Variants in BACE2 observed in about 807,000 individuals in gnomAD.
The protein encoded by BACE2 is beta-secretase 2, also known as 56 kDa aspartic-like protease.
A neutral mutation model predicts 46.2 loss-of-function variants in BACE2; 17 were observed. That is an observed-to-expected ratio of 0.37 (90% confidence interval 0.25 to 0.55). The LOEUF (loss-of-function observed/expected upper bound fraction) is 0.55, where lower values mean the gene tolerates loss of function less well. Among genes scored for constraint, BACE2 ranks in the 20% least tolerant of loss-of-function variants. The pLI, the probability that BACE2 is intolerant of heterozygous loss-of-function variation, is 0.82. For missense variants in BACE2, 595 were observed against 698.1 expected, an observed-to-expected ratio of 0.85 and a Z score of 1.66; for synonymous variants, 277 against 295.9, an observed-to-expected ratio of 0.94 and a Z score of 0.66.
intron 2 of BACE2, among the ~76,000 whole-genome samples, chr21:41,226,559 C>A (rs540823095): frequency 6.6e-6 from 1 of 152,380 alleles, no homozygotes; most frequent in South Asian, 2.1e-4. Context: ...GGAGTCTCCT[C>A]ATGGCCTTCA....
rs775652076 is a variant in BACE2, at chr21:41,241,779, G to A, written c.619-40G>A. Reference sequence around the variant, plus strand: ...ACTGGGTGACCCATGTCTACACTGTGAGTCCTAAGCGGGTGCCCCTCTCTG... The same window carrying A: ...ACTGGGTGACCCATGTCTACACTGTAAGTCCTAAGCGGGTGCCCCTCTCTG... On this transcript the variant is annotated intron_variant, in intron 3 of 8. Coordinates refer to ENST00000330333, the MANE Select transcript of BACE2 (RefSeq NM_012105.5). 5 of 1,611,736 alleles carry A rather than the reference G, an allele frequency of 3.1e-6. 1 individual carries two copies. The South Asian group carries it at 3.3e-5, about 11-fold the overall frequency.
intron 1 of BACE2, among the ~76,000 whole-genome samples, chr21:41,206,031 G>GT (rs1568867313): frequency 6.6e-6 from 1 of 152,228 alleles, no homozygotes; most frequent in African/African-American, 2.4e-5. Flanking sequence ...AACAACACAA[G>GT]TGTCTGTGGA....
At chr21:41,200,399 A>G (rs1985923584) in intron 1 of BACE2, among the ~76,000 whole-genome samples, 1 of 152,192 alleles carries the variant, frequency 6.6e-6, no homozygotes, top group Non-Finnish European at 1.5e-5. Flanking sequence ...GGGCTGTAGA[A>G]ACTTAGAAGC....
chr21:41,257,048 C>T (rs543066889), intron 7 of BACE2, 110 bp from the exon 8 acceptor site: 265 of 1,219,752 alleles, frequency 2.2e-4, no homozygotes, highest in Non-Finnish European at 3.0e-4. Flanking sequence ...CCCGTGACTC[C>T]CCCCAGCGCC....
intron 3 of BACE2, among the ~76,000 whole-genome samples, chr21:41,238,434 G>A (rs1987188615): frequency 6.6e-6 from 1 of 152,238 alleles, no homozygotes. Flanking sequence ...TCCACCTGGA[G>A]GCATTGCCAA....
chr21:41,265,188 C>G (rs536085971), intron 8 of BACE2, among the ~76,000 whole-genome samples: 172 of 122,902 alleles, frequency 1.4e-3, no homozygotes, highest in African/African-American at 4.9e-3. Context: ...TTTTTTTTTT[C>G]AAGCCTCATA....
At chr21:41,254,555 G>T (rs183235355) in intron 7 of BACE2, among the ~76,000 whole-genome samples, 1 of 152,252 alleles carries the variant, frequency 6.6e-6, no homozygotes, top group African/African-American at 2.4e-5. Context: ...TCCAAACAGG[G>T]GCATTTTGTC....
At position 41,275,103 on chromosome 21, in the gene BACE2, C is replaced by T. The variant is rs537480673; in HGVS notation, c.1304-268C>T. On this transcript the variant is annotated intron_variant, in intron 8 of 8. Coordinates refer to ENST00000330333, the MANE Select transcript of BACE2 (RefSeq NM_012105.5). ...GCATTCCATGAAGCACAGGGTGCTT[C>T]CATATGTGCCCTGCTGCAGTTCCCC... Among the ~76,000 whole-genome samples, 9 of 152,288 alleles carry T rather than the reference C, an allele frequency of 5.9e-5. No individual in the cohort carries two copies. The East Asian group carries it at 1.7e-3, about 29-fold the overall frequency.
rs1248474122 is a variant in BACE2, at chr21:41,282,004, T to G, written c.*6380T>G. ...TGCTGTTAATTTGCATTGTTAAAAATTCTTAAAGTTTAATATGTTATGTTC... is the reference window on the plus strand; with the variant it reads ...TGCTGTTAATTTGCATTGTTAAAAAGTCTTAAAGTTTAATATGTTATGTTC... On this transcript the variant is annotated 3_prime_UTR_variant, in exon 9 of 9. Coordinates refer to ENST00000330333, the MANE Select transcript of BACE2 (RefSeq NM_012105.5). 2 of 152,232 alleles carry G rather than the reference T, an allele frequency of 1.3e-5. No homozygotes were observed. The highest frequency in any genetic ancestry group is 2.9e-5 in the Non-Finnish European group (2 of 68,026). The allele number at this position is 152,232 out of a possible 1,614,324, so 9.4% of individuals were successfully genotyped here.
chr21:41,237,196 C>T (rs1236731355), intron 2 of BACE2, among the ~76,000 whole-genome samples: 1 of 152,122 alleles, frequency 6.6e-6, no homozygotes, highest in African/African-American at 2.4e-5. Flanking sequence ...GCCTGTAATC[C>T]TAGCACTTTG....
chr21:41,248,174 A>G (rs1218710805), intron 6 of BACE2, among the ~76,000 whole-genome samples: 1 of 152,186 alleles, frequency 6.6e-6, no homozygotes, highest in African/African-American at 2.4e-5. Context: ...CGCTTGGCTC[A>G]GGCCCAGCGC....
chr21:41,194,376 C>T (rs577008538), intron 1 of BACE2, among the ~76,000 whole-genome samples: 1 of 152,244 alleles, frequency 6.6e-6, no homozygotes, highest in South Asian at 2.1e-4. Context: ...ACCATATCAG[C>T]TGGGTGACTG....
chr21:41,276,032 T>TTAA lies in BACE2; in HGVS notation c.*410_*412dup, dbSNP rs1246065974. The TTAA allele has an allele frequency of 5.6e-6, 1 of 177,200 alleles. No homozygotes were observed. The highest frequency in any genetic ancestry group is 1.2e-5 in the Non-Finnish European group (1 of 82,006). The allele number at this position is 177,200 out of a possible 1,614,324, so 11.0% of individuals were successfully genotyped here. A position where few individuals can be genotyped will look rare whatever the true frequency, so the allele number is the denominator to read the frequency against. On this transcript the variant is annotated 3_prime_UTR_variant, in exon 9 of 9. Transcript: ENST00000330333. ...CTTAGCTTACAGGAAGCTTTTTGTATTAATTGCCTTTGAGGTTATTTTCCG... is the reference window on the plus strand; with the variant it reads ...CTTAGCTTACAGGAAGCTTTTTGTATTAATAATTGCCTTTGAGGTTATTTTCCG...
At chr21:41,225,326 A>C (rs1986781620) in intron 1 of BACE2, 1 of 152,154 alleles carries the variant, frequency 6.6e-6, no homozygotes, top group African/African-American at 2.4e-5. Flanking sequence ...CTGCAAAAAG[A>C]CCTGTACAGT....
intron 1 of BACE2, among the ~76,000 whole-genome samples, chr21:41,212,713 A>G (rs1986337056): frequency 6.6e-6 from 1 of 152,084 alleles, no homozygotes; most frequent in Non-Finnish European, 1.5e-5. Flanking sequence ...TCCCAGGAGC[A>G]TTCACTCCCT....
chr21:41,199,141 G>A (rs1251705378), intron 1 of BACE2, among the ~76,000 whole-genome samples: 1 of 151,090 alleles, frequency 6.6e-6, no homozygotes, highest in Non-Finnish European at 1.5e-5. Flanking sequence ...CTGTCCTTGC[G>A]ACAGTTTGCT....
intron 1 of BACE2, among the ~76,000 whole-genome samples, chr21:41,201,168 T>C (rs1985953972): frequency 6.6e-6 from 1 of 152,256 alleles, no homozygotes; most frequent in Admixed American, 6.5e-5. Flanking sequence ...TGTCTTATCC[T>C]CTGGACCATG....
At chr21:41,208,324 T>G (rs1986194460) in intron 1 of BACE2, among the ~76,000 whole-genome samples, 1 of 152,134 alleles carries the variant, frequency 6.6e-6, no homozygotes, top group East Asian at 1.9e-4. Context: ...TCTGCAGGGG[T>G]GAAAACAGTA....
Position 41,168,385 on chromosome 21 carries a change from G to C in BACE2, c.122G>C (p.Arg41Pro). The part of the protein sequence containing the change: ...LPLRVAAATN[R>P]VVAPTPGPGT... ...CTCCGGGTGGCCGCGGCCACGAACC[G>C]CGTAGTTGCGCCCACCCCGGGACCC... The change falls in exon 1 of 9, where the codon CGC (arginine) becomes CCC (proline). Residue 41 changes from arginine (R) to proline (P), a missense_variant. By Grantham distance (103) the Arg-to-Pro change is moderately radical. Coordinates refer to ENST00000330333, the MANE Select transcript of BACE2 (RefSeq NM_012105.5). 7.1e-7 allele frequency: 1 copy of C among 1,412,916 alleles called. No homozygotes were observed. Among genetic ancestry groups the C allele is most frequent in the Non-Finnish European group, 9.3e-7 (1 of 1,080,112 alleles). The allele number at this position is 1,412,916 out of a possible 1,614,324, so 87.5% of individuals were successfully genotyped here.
Sources: allele counts gnomAD v4.1 joint callset (sites outside exome capture counted in the v4.1 genomes callset), GRCh38; gene constraint gnomAD v4.1.1; transcripts MANE v1.5; gene names NCBI Gene and HGNC (gene_info 2026-07-23, HGNC 2026-07-21).